The following ANKRD11 variants were observed in gnomAD, a reference collection of about 807,000 sequenced individuals.
ANKRD11 encodes the protein ankyrin repeat domain 11.
A neutral mutation model predicts 195.7 loss-of-function variants in ANKRD11; 17 were observed. That is an observed-to-expected ratio of 0.09 (90% CI 0.06 to 0.13). The LOEUF is 0.13. ANKRD11 is among the 10% of genes least tolerant of loss of function. The probability of loss-of-function intolerance (pLI) is 1.00; values close to 1 mark genes in which losing one functional copy is unlikely to be tolerated. For synonymous variants in ANKRD11, 1,953 were observed against 1,528.1 expected (o/e 1.28, Z -6.49); for missense variants, 3,735 against 3,566.1 (o/e 1.05, Z -1.21).
chr16:89,318,127 G>T (rs1356032278), intron 2 of ANKRD11, among the ~76,000 whole-genome samples: 1 of 152,222 alleles, frequency 6.6e-6, no homozygotes, highest in Admixed American at 6.5e-5. Flanking sequence ...GTGTGAGGCT[G>T]CCCCTCTGCG....
intron 2 of ANKRD11, among the ~76,000 whole-genome samples, chr16:89,403,023 G>T (rs2041763986): frequency 6.6e-6 from 1 of 152,204 alleles, no homozygotes; most frequent in South Asian, 2.1e-4. Flanking sequence ...TCAAACACCA[G>T]GCTCCACATG....
At chr16:89,363,980 A>T (rs2039841663) in intron 2 of ANKRD11, among the ~76,000 whole-genome samples, 1 of 152,124 alleles carries the variant, frequency 6.6e-6, no homozygotes, top group Non-Finnish European at 1.5e-5. Flanking sequence ...GGACAGCTTG[A>T]GCCCGGGAGT....
chr16:89,377,259 G>C (rs2040461360), intron 2 of ANKRD11, among the ~76,000 whole-genome samples: 1 of 152,138 alleles, frequency 6.6e-6, no homozygotes, highest in Admixed American at 6.5e-5. Flanking sequence ...GGAAAGGACT[G>C]TCAACATGGG....
At chr16:89,353,756 A>G (rs959546272) in intron 2 of ANKRD11, among the ~76,000 whole-genome samples, 19 of 152,236 alleles carry the variant, frequency 1.2e-4, no homozygotes, top group African/African-American at 4.6e-4. Flanking sequence ...CTGGGATTAC[A>G]GGCGTGAGCC....
At chr16:89,404,415 T>C (rs1052833472) in intron 2 of ANKRD11, among the ~76,000 whole-genome samples, 1 of 152,214 alleles carries the variant, frequency 6.6e-6, no homozygotes, top group Non-Finnish European at 1.5e-5. Context: ...TACAACCCTA[T>C]TATGTCTCCT....
rs750887042 is a variant in ANKRD11 at position 89,283,660 on chromosome 16, C to A, written c.2882G>T (p.Arg961Leu). ...CTCGGGCTTGGCCCTGCCGTCCCTG[C>A]GCTCCTTGCAGCTCTCCAGGGCGTC... ...RKDALESCKE[R>L]RDGRAKPEEA... Residue 961 changes from arginine (R) to leucine (L), a missense_variant, in exon 9 of 13, where the codon CGC becomes CTC. By Grantham distance (102) the Arg-to-Leu change is moderately radical. Transcript: ENST00000301030. This position sits in a 1 kb window ranked among gnomAD's most constrained non-coding sequence, Gnocchi z 4.3. 1.4e-5 allele frequency: 22 copies of A among 1,611,662 alleles called. No individual in the cohort carries two copies. In the Middle Eastern group the frequency reaches 8.2e-4, roughly 60 times the overall value.
At chr16:89,286,003 A>C in intron 8 of ANKRD11, 36 bp downstream of exon 8, 1 of 1,614,004 alleles carries the variant, frequency 6.2e-7, no homozygotes, top group Non-Finnish European at 8.5e-7. Flanking sequence ...CCATCCCTGC[A>C]TAAAAGAACA....
At chr16:89,341,263 T>C (rs1163560723) in intron 2 of ANKRD11, among the ~76,000 whole-genome samples, 1 of 152,246 alleles carries the variant, frequency 6.6e-6, no homozygotes, top group Non-Finnish European at 1.5e-5. Flanking sequence ...GAAACAATGC[T>C]GTGGGTCCAT....
chr16:89,474,074 C>A (rs1390457284), intron 1 of ANKRD11, among the ~76,000 whole-genome samples: 2 of 152,156 alleles, frequency 1.3e-5, no homozygotes, highest in African/African-American at 4.8e-5. Flanking sequence ...AAGGGACAGT[C>A]AACAAGAAAA....
intron 1 of ANKRD11, among the ~76,000 whole-genome samples, chr16:89,484,631 T>G (rs74251516): frequency 0.027 from 4,077 of 152,320 alleles, 127 homozygotes; most frequent in East Asian, 0.17. Context: ...GTTTATTTGC[T>G]AATTTTACAT....
In ANKRD11 at chr16:89,279,815, G is replaced by C; in HGVS notation, c.6727C>G (p.Pro2243Ala). The change falls in exon 9 of 13, where the codon CCC becomes GCC. Residue 2243 changes from proline to alanine, a missense_variant. Transcript: ENST00000301030. This position sits in a 1 kb window ranked among gnomAD's most constrained non-coding sequence, Gnocchi z 5.6. ...GDPDSSVEPA[P>A]VPPEQRPLGS... ...AGTGGGCGCTGTTCTGGGGGAACGG[G>C]CGCGGGCTCCACGCTGGAGTCCGGA... 6.5e-7 allele frequency: 1 copy of C among 1,542,980 alleles called. No individual in the cohort carries two copies. The highest frequency in any genetic ancestry group is 8.7e-7 in the Non-Finnish European group (1 of 1,147,370).
At chr16:89,330,660 GGGGGGGGGGGGGGGGC>G (rs936270548) in intron 2 of ANKRD11, among the ~76,000 whole-genome samples, 1 of 10,806 alleles carries the variant, frequency 9.3e-5, no homozygotes, top group African/African-American at 2.4e-4. Context: ...CAGTGACTGG[GGGGGGGGGGGGGGGGC>G]GGGGGCGGAG....
intron 1 of ANKRD11, among the ~76,000 whole-genome samples, chr16:89,441,086 A>G (rs1389112645): frequency 4.6e-5 from 7 of 151,720 alleles, no homozygotes; most frequent in Non-Finnish European, 1.0e-4. Context: ...AAATACAAAA[A>G]TTAGCCGGGC....
In ANKRD11 at chr16:89,285,417, C is replaced by A. The variant is rs775965950; in HGVS notation, c.1125G>T (p.Thr375=). 6.2e-7 allele frequency: 1 copy of A among 1,613,966 alleles called. No individual in the cohort carries two copies. Among genetic ancestry groups the A allele is most frequent in the African/African-American group, 1.3e-5 (1 of 74,874 alleles). Residue 375 remains threonine, a synonymous_variant, in exon 9 of 13, where the codon ACG becomes ACT. Transcript: ENST00000301030. The surrounding 1 kb of genome is among the most constrained non-coding windows in gnomAD (Gnocchi z 5.6). ...GTATAGAGATAAAACTATTGGATTT[C>A]GTTTCTTTTCTGTAGTCCTTTTTCA... ...HLLKKDYRKE[T]KSNSFISIPK... is the part of the protein sequence containing the mutation.
intron 1 of ANKRD11, among the ~76,000 whole-genome samples, chr16:89,463,002 G>T (rs1401124978): frequency 5.3e-5 from 8 of 150,652 alleles, no homozygotes; most frequent in African/African-American, 1.7e-4. Flanking sequence ...AGGGAGGTGG[G>T]GGGGTCAGCC....
At chr16:89,363,886 T>C (rs1021317291) in intron 2 of ANKRD11, among the ~76,000 whole-genome samples, 1 of 151,280 alleles carries the variant, frequency 6.6e-6, no homozygotes, top group Non-Finnish European at 1.5e-5. Context: ...CAAAACCCTG[T>C]CTCTACAAAA....
chr16:89,353,343 A>G (rs2039309848), intron 2 of ANKRD11, among the ~76,000 whole-genome samples: 1 of 150,240 alleles, frequency 6.7e-6, no homozygotes, highest in Admixed American at 6.6e-5. Context: ...CTCCAACTCC[A>G]AAAAAAAAGA....
chr16:89,374,571 T>A (rs900494331), intron 2 of ANKRD11, among the ~76,000 whole-genome samples: 1 of 152,354 alleles, frequency 6.6e-6, no homozygotes, highest in African/African-American at 2.4e-5. Flanking sequence ...CTCTGTCCTA[T>A]GCTTCCAGGA....
chr16:89,282,816 A>G lies in ANKRD11; in HGVS notation c.3726T>C (p.Ala1242=), dbSNP rs1465174662. Residue 1242 remains alanine, a synonymous_variant, in exon 9 of 13, where the codon GCT becomes GCC. Coordinates refer to ENST00000301030, the MANE Select transcript of ANKRD11 (RefSeq NM_013275.6). ...KKNKQKLPEK[A]EKKHAAEDKA... ...TGTCTTCGGCAGCGTGCTTCTTTTCAGCCTTCTCGGGGAGCTTCTGTTTAT... is the reference window on the plus strand; with the variant it reads ...TGTCTTCGGCAGCGTGCTTCTTTTCGGCCTTCTCGGGGAGCTTCTGTTTAT... The G allele has an allele frequency of 1.2e-6, 2 of 1,603,074 alleles. No individual in the cohort carries two copies. Among genetic ancestry groups the G allele is most frequent in the South Asian group, 2.2e-5 (2 of 90,502 alleles).
Sources: gnomAD v4.1 joint callset for allele counts (sites outside exome capture counted in the v4.1 genomes callset) on GRCh38, gnomAD v4.1.1 for gene constraint, Gnocchi (gnomAD v3.1) non-coding constraint, MANE v1.5 for transcripts, NCBI Gene and HGNC (gene_info 2026-07-23, HGNC 2026-07-21) for gene names.